SRGAP2C: variants seen among roughly 807,000 people sequenced by gnomAD.
SRGAP2C encodes the protein SLIT-ROBO Rho GTPase activating protein 2C.
SRGAP2C carries 15 observed loss-of-function variants against 25.1 expected under a neutral mutation model. The observed-to-expected ratio is 0.60, with a 90% confidence interval of 0.40 to 0.92. The LOEUF (loss-of-function observed/expected upper bound fraction) is 0.92. SRGAP2C is among the 40% of genes least tolerant of loss of function. The probability of loss-of-function intolerance (pLI) is 0.00; values close to 1 mark genes in which losing one functional copy is unlikely to be tolerated. For synonymous variants in SRGAP2C, 44 were observed against 96.6 expected, an observed-to-expected ratio of 0.46 and a Z score of 3.19; for missense variants, 144 against 264.4, an observed-to-expected ratio of 0.54 and a Z score of 3.16.
intron 5 of SRGAP2C, among the ~76,000 whole-genome samples, chr1:121,365,709 A>G (rs1185831029): frequency 1.1e-5 from 1 of 91,450 alleles, no homozygotes; most frequent in Non-Finnish European, 2.3e-5. Flanking sequence ...CCTGCATTGC[A>G]CTATTAATAT....
At chr1:121,225,665 C>A (rs1291285109) in intron 2 of SRGAP2C, among the ~76,000 whole-genome samples, 12 of 146,328 alleles carry the variant, frequency 8.2e-5, no homozygotes, top group Non-Finnish European at 1.8e-4. Flanking sequence ...AGCCCTTACC[C>A]TAAATGCTTA....
In SRGAP2C at chr1:121,374,901, A is replaced by C. The variant is rs781833148; in HGVS notation, c.778A>C (p.Thr260Pro). The C allele has an allele frequency of 2.6e-6, 2 of 779,174 alleles. No individual in the cohort carries two copies. Among genetic ancestry groups the C allele is most frequent in the African/African-American group, 3.4e-5 (2 of 59,112 alleles). The allele number at this position is 779,174 out of a possible 1,614,324, so 48.3% of individuals were successfully genotyped here. Residue 260 changes from threonine (T) to proline (P), a missense_variant, in exon 7 of 10, where the codon ACC (threonine) becomes CCC (proline). Physicochemically the swap from Thr to Pro is conservative, Grantham distance 38. Coordinates refer to ENST00000367123, the MANE Select transcript of SRGAP2C (RefSeq NM_001329984.2). ...TGAGTACTTGCTGGCTTTGGAGGCAACCAATGCATCTGTCTTCAAGTACTA... is the reference window on the plus strand; with the variant it reads ...TGAGTACTTGCTGGCTTTGGAGGCACCCAATGCATCTGTCTTCAAGTACTA... ...QNEYLLALEATNASVFKYYIH... is the reference protein window; with the variant it reads ...QNEYLLALEAPNASVFKYYIH...
intron 2 of SRGAP2C, among the ~76,000 whole-genome samples, chr1:121,216,461 CA>C (rs1341676040): frequency 6.6e-6 from 1 of 150,948 alleles, no homozygotes; most frequent in Non-Finnish European, 1.5e-5. Context: ...TGGCAAGGAA[CA>C]AAAAAAGACA....
chr1:121,285,404 T>TCTCACACACACACA (rs1553336851), intron 3 of SRGAP2C, among the ~76,000 whole-genome samples: 15 of 124,538 alleles, frequency 1.2e-4, no homozygotes, highest in African/African-American at 3.8e-4. Context: ...TCTCTCTCTC[T>TCTCACACACACACA]CACACACACA....
intron 2 of SRGAP2C, among the ~76,000 whole-genome samples, chr1:121,217,079 A>G (rs1191215967): frequency 6.6e-6 from 1 of 151,274 alleles, no homozygotes; most frequent in Non-Finnish European, 1.5e-5. Flanking sequence ...TTAAAATTTG[A>G]CAGCTATAGT....
intron 2 of SRGAP2C, among the ~76,000 whole-genome samples, chr1:121,216,469 G>C (rs1655389371): frequency 6.6e-6 from 1 of 151,580 alleles, no homozygotes; most frequent in Non-Finnish European, 1.5e-5. Context: ...AACAAAAAAA[G>C]ACAATGTATT....
chr1:121,267,911 A>G (rs1656840973), intron 2 of SRGAP2C, among the ~76,000 whole-genome samples: 1 of 151,956 alleles, frequency 6.6e-6, no homozygotes, highest in African/African-American at 2.4e-5. Context: ...TACTCATTAT[A>G]AAAAATTCAA....
chr1:121,258,125 A>G (rs1553332840), intron 2 of SRGAP2C, among the ~76,000 whole-genome samples: 2 of 150,940 alleles, frequency 1.3e-5, no homozygotes, highest in Non-Finnish European at 3.0e-5. Context: ...GTTCCTCTAT[A>G]ATTGTTTTAT....
intron 2 of SRGAP2C, among the ~76,000 whole-genome samples, chr1:121,283,949 G>T (rs1293418126): frequency 1.8e-4 from 26 of 147,572 alleles, no homozygotes; most frequent in Admixed American, 5.4e-4. Context: ...CAAGGACCCT[G>T]ACCAGCCAGA....
At chr1:121,352,506 T>TA (rs1448073180) in intron 4 of SRGAP2C, among the ~76,000 whole-genome samples, 4 of 100,540 alleles carry the variant, frequency 4.0e-5, no homozygotes, top group Non-Finnish European at 8.1e-5. Flanking sequence ...CAGCTAGAGG[T>TA]AAAAAAGACG....
chr1:121,239,262 A>ATAC lies in SRGAP2C; in HGVS notation c.68-45539_68-45538insCTA, dbSNP rs1320590820. 4.7e-3 allele frequency among the ~76,000 whole-genome samples: 8 copies of ATAC among 1,710 alleles called. 3 individuals carry two copies. The African/African-American group carries it at 0.051, about 11-fold the overall frequency. 1.1% of individuals were successfully genotyped at this position (1,710 alleles called of 152,430 possible). On this transcript the variant is annotated intron_variant, in intron 2 of 9. Transcript: ENST00000367123. ...ATATATATACTATATATATATATAT[A>ATAC]TATACTATATATATATATACTATAT... is the stretch of plus-strand genomic sequence containing the variant.
At chr1:121,323,417 A>G (rs1658251324) in intron 3 of SRGAP2C, among the ~76,000 whole-genome samples, 1 of 151,782 alleles carries the variant, frequency 6.6e-6, no homozygotes, top group African/African-American at 2.4e-5. Context: ...GGAGTTCAAG[A>G]TCAGCATGGT....
intron 3 of SRGAP2C, among the ~76,000 whole-genome samples, chr1:121,312,319 T>C (rs1168448918): frequency 1.3e-4 from 7 of 55,812 alleles, no homozygotes; most frequent in African/African-American, 4.6e-4. Context: ...CTCTCTTTTT[T>C]TCTTTATTAG....
chr1:121,297,545 T>C (rs1657622797), intron 3 of SRGAP2C, among the ~76,000 whole-genome samples: 1 of 147,074 alleles, frequency 6.8e-6, no homozygotes, highest in Non-Finnish European at 1.5e-5. Flanking sequence ...ATATATATAA[T>C]GTATATACAG....
chr1:121,191,855 G>A (rs1361072815), intron 2 of SRGAP2C, among the ~76,000 whole-genome samples: 1 of 144,826 alleles, frequency 6.9e-6, no homozygotes, highest in Non-Finnish European at 1.5e-5. Context: ...TGTATGCTGA[G>A]CAGTCACATT....
chr1:121,240,026 A>T (rs1553329616), intron 2 of SRGAP2C, among the ~76,000 whole-genome samples: 1 of 142,756 alleles, frequency 7.0e-6, no homozygotes. Context: ...TGTTCTGTTT[A>T]AAAACACCTA....
intron 2 of SRGAP2C, among the ~76,000 whole-genome samples, chr1:121,270,894 G>A (rs1175417030): frequency 6.7e-5 from 10 of 150,230 alleles, no homozygotes; most frequent in Admixed American, 4.0e-4. Context: ...CCGGGTTCAC[G>A]CCATTCTCCT....
At chr1:121,306,946 G>C (rs1442118320) in intron 3 of SRGAP2C, among the ~76,000 whole-genome samples, 3 of 151,740 alleles carry the variant, frequency 2.0e-5, no homozygotes, top group Non-Finnish European at 4.4e-5. Context: ...TGTACTCTGA[G>C]ATTTTCTACT....
rs781901337 is a variant in SRGAP2C at position 121,368,404 on chromosome 1, CAA to C, written c.486+3064_486+3065del. Among the ~76,000 whole-genome samples, 374 of 124,826 alleles carry C rather than the reference CAA, an allele frequency of 3.0e-3. 1 individual carries two copies. The highest frequency in any genetic ancestry group is 3.9e-3 in the Middle Eastern group (1 of 254). The allele number at this position is 124,826 out of a possible 152,430, so 81.9% of individuals were successfully genotyped here. A position where few individuals can be genotyped will look rare whatever the true frequency, so the allele number is the denominator to read the frequency against. On this transcript the variant is annotated intron_variant, in intron 5 of 9. Transcript: ENST00000367123. ...TGGGGGACAGAGCAAGACTCTGTCT[CAA>C]AAAAAAAAAAAAAATAGCAGTTCAG... is the stretch of plus-strand genomic sequence containing the variant.
Sources: gnomAD v4.1 joint callset for allele counts (sites outside exome capture counted in the v4.1 genomes callset) on GRCh38, gnomAD v4.1.1 for gene constraint, MANE v1.5 for transcripts, NCBI Gene and HGNC (gene_info 2026-07-23, HGNC 2026-07-21) for gene names.